The following C3orf85 variants were observed in gnomAD, a reference collection of about 807,000 sequenced individuals.
C3orf85 encodes the protein uncharacterized protein C3orf85.
A neutral mutation model predicts 1.7 loss-of-function variants in C3orf85; 1 was observed. The ratio of observed to expected loss-of-function variants is 0.60; its 90% CI spans 0.21 to 2.86. The LOEUF is 2.86. Among genes scored for constraint, C3orf85 ranks in the 30% most tolerant of loss-of-function variants. The pLI is 0.22. For missense variants in C3orf85, 29 were observed against 21.3 expected, an observed-to-expected ratio of 1.36 and a Z score of -0.72; for synonymous variants, 17 against 8.0, an observed-to-expected ratio of 2.13 and a Z score of -1.90.
In C3orf85 at chr3:109,150,918, G is replaced by A. The variant is rs1373509599; in HGVS notation, c.*1024G>A. Among the ~76,000 whole-genome samples the A allele has an allele frequency of 6.6e-6, 1 of 152,078 alleles. No homozygotes were observed. The highest frequency in any genetic ancestry group is 1.5e-5 in the Non-Finnish European group (1 of 68,018). On this transcript the variant is annotated 3_prime_UTR_variant, in exon 4 of 4. Coordinates refer to ENST00000622536, the MANE Select transcript of C3orf85 (RefSeq NM_001351622.2). Reference sequence around the variant, plus strand: ...AACAATCTTAAGCACTTTTTGAGTGGCAAGTAAATCAGAAAAACCAAATGC... The same window carrying A: ...AACAATCTTAAGCACTTTTTGAGTGACAAGTAAATCAGAAAAACCAAATGC...
chr3:109,149,860 A>G lies in C3orf85; in HGVS notation c.239A>G (p.Asn80Ser), dbSNP rs1706848982. The G allele has an allele frequency of 2.5e-6, 1 of 398,426 alleles. No homozygotes were observed. The highest frequency in any genetic ancestry group is 1.3e-4 in the South Asian group (1 of 7,864). The allele number at this position is 398,426 out of a possible 1,614,324, so 24.7% of individuals were successfully genotyped here. The change falls in exon 4 of 4, where the codon AAT becomes AGT. Residue 80 changes from asparagine (N) to serine (S), a missense_variant. Coordinates refer to ENST00000622536, the MANE Select transcript of C3orf85 (RefSeq NM_001351622.2). ...ACAGCACAGTATTATTTGGATATGA[A>G]TACCTTCACCTTTGACATGTCTACT... The part of the protein sequence containing the change: ...KTTAQYYLDM[N>S]TFTFDMSTAQ
At chr3:109,137,472 T>G (rs1367686562) in intron 2 of C3orf85, among the ~76,000 whole-genome samples, 1 of 151,760 alleles carries the variant, frequency 6.6e-6, no homozygotes, top group East Asian at 1.9e-4. Context: ...ATTATCTTCA[T>G]GGTTAAATCT....
chr3:109,140,125 G>A (rs989285100), intron 2 of C3orf85, among the ~76,000 whole-genome samples: 10 of 151,910 alleles, frequency 6.6e-5, no homozygotes, highest in Admixed American at 2.6e-4. Flanking sequence ...CTACTCACTT[G>A]GGCTTATGAC....
chr3:109,145,651 TACAA>T (rs1706790017), intron 2 of C3orf85, among the ~76,000 whole-genome samples: 1 of 152,224 alleles, frequency 6.6e-6, no homozygotes, highest in South Asian at 2.1e-4. Flanking sequence ...TTTACCATAA[TACAA>T]ACAATTTTTT....
chr3:109,148,666 A>G (rs4855698), intron 3 of C3orf85: 152,829 of 359,286 alleles, frequency 0.43, 37,177 homozygotes, highest in East Asian at 0.9. Context: ...TCTTTCACAA[A>G]TAAATAGCTC....
intron 2 of C3orf85, among the ~76,000 whole-genome samples, chr3:109,144,280 G>A (rs1706772148): frequency 1.3e-5 from 2 of 152,138 alleles, no homozygotes; most frequent in Non-Finnish European, 2.9e-5. Context: ...CTCAAGCAGA[G>A]AGGATAATAG....
intron 2 of C3orf85, among the ~76,000 whole-genome samples, chr3:109,139,702 C>T (rs1347930036): frequency 3.3e-5 from 5 of 152,066 alleles, no homozygotes; most frequent in Admixed American, 6.6e-5. Context: ...CTGGAGTTGA[C>T]CCATACACGA....
chr3:109,145,193 C>T (rs998640313), intron 2 of C3orf85, among the ~76,000 whole-genome samples: 5 of 152,076 alleles, frequency 3.3e-5, no homozygotes, highest in Non-Finnish European at 7.4e-5. Flanking sequence ...TACTATCTGT[C>T]CTTACACCAC....
At chr3:109,145,247 A>C (rs1347006110) in intron 2 of C3orf85, among the ~76,000 whole-genome samples, 1 of 152,186 alleles carries the variant, frequency 6.6e-6, no homozygotes, top group Admixed American at 6.5e-5. Flanking sequence ...TGAATAAATA[A>C]AATGTGGTAT....
intron 2 of C3orf85, 87 bp from the exon 3 acceptor site, chr3:109,148,166 G>A: frequency 1.6e-6 from 1 of 622,388 alleles, no homozygotes; most frequent in African/African-American, 1.8e-5. Context: ...GCCTACCAAA[G>A]ATCACAGCTG....
chr3:109,140,013 T>C (rs994640266), intron 2 of C3orf85, among the ~76,000 whole-genome samples: 1 of 152,212 alleles, frequency 6.6e-6, no homozygotes, highest in Admixed American at 6.5e-5. Flanking sequence ...ATAGGAAGAC[T>C]AGCCCTTTTC....
At position 109,150,012 on chromosome 3, in the gene C3orf85, A is replaced by G; in HGVS notation, c.*118A>G. 1 of 384,868 alleles carries G rather than the reference A, an allele frequency of 2.6e-6. No individual in the cohort carries two copies. Among genetic ancestry groups the G allele is most frequent in the Non-Finnish European group, 4.6e-6 (1 of 217,434 alleles). 23.8% of individuals were successfully genotyped at this position (384,868 alleles called of 1,614,324 possible). On this transcript the variant is annotated 3_prime_UTR_variant, in exon 4 of 4. Coordinates refer to ENST00000622536, the MANE Select transcript of C3orf85 (RefSeq NM_001351622.2). ...ATCCATGCTGTTTACTACATTATTT[A>G]TTATGTCTGTCTCAAAGTTGTTGAA...
chr3:109,136,932 C>T, intron 2 of C3orf85, 36 bp downstream of exon 2: 1 of 404,616 alleles, frequency 2.5e-6, no homozygotes, highest in Non-Finnish European at 4.4e-6. Flanking sequence ...ATCATGTCTC[C>T]TACAGCCATC....
In C3orf85 at chr3:109,150,080, A is replaced by T. The variant is rs974440548; in HGVS notation, c.*186A>T. ...CCCATGTAGGAAACTGGAATAAGAC[A>T]TTCTCAATAAATGGTAGTTCTCAAA... On this transcript the variant is annotated 3_prime_UTR_variant, in exon 4 of 4. Coordinates refer to ENST00000622536, the MANE Select transcript of C3orf85 (RefSeq NM_001351622.2). 1.1e-5 allele frequency: 4 copies of T among 355,648 alleles called. No individual in the cohort carries two copies. Among genetic ancestry groups the T allele is most frequent in the African/African-American group, 6.3e-5 (3 of 47,554 alleles). The allele number at this position is 355,648 out of a possible 1,614,324, so 22.0% of individuals were successfully genotyped here. A position where few individuals can be genotyped will look rare whatever the true frequency, so the allele number is the denominator to read the frequency against.
chr3:109,148,015 A>T (rs889254725), intron 2 of C3orf85, among the ~76,000 whole-genome samples: 8 of 152,198 alleles, frequency 5.3e-5, no homozygotes, highest in African/African-American at 2.4e-5. Flanking sequence ...ATCCTGCTCC[A>T]TCCACCACAT....
At chr3:109,146,290 T>C (rs1706798791) in intron 2 of C3orf85, 1 of 152,202 alleles carries the variant, frequency 6.6e-6, no homozygotes, top group Non-Finnish European at 1.5e-5. Flanking sequence ...ATCCTAGGTG[T>C]CTCACTTGCC....
chr3:109,150,529 C>T lies in C3orf85; in HGVS notation c.*635C>T, dbSNP rs1294812643. 1.3e-5 allele frequency: 2 copies of T among 152,128 alleles called. No individual in the cohort carries two copies. Among genetic ancestry groups the T allele is most frequent in the Non-Finnish European group, 2.9e-5 (2 of 68,018 alleles). The allele number at this position is 152,128 out of a possible 1,614,324, so 9.4% of individuals were successfully genotyped here. A position where few individuals can be genotyped will look rare whatever the true frequency, so the allele number is the denominator to read the frequency against. On this transcript the variant is annotated 3_prime_UTR_variant, in exon 4 of 4. Transcript: ENST00000622536. ...ATTTTTGTAAGCTTTGCATTCTGTT[C>T]CACAATTTATTGATGTTTGTTTTAA...
Position 109,149,909 on chromosome 3 carries a change from T to C in C3orf85, c.*15T>C, listed in dbSNP as rs909787356. ...CTGCCCAGTAAATATGTTTTCCTGGTTAAAGCAGGAGGATGAAGATGGCAG... is the reference window on the plus strand; with the variant it reads ...CTGCCCAGTAAATATGTTTTCCTGGCTAAAGCAGGAGGATGAAGATGGCAG... On this transcript the variant is annotated 3_prime_UTR_variant, in exon 4 of 4. Transcript: ENST00000622536. 2.5e-6 allele frequency: 1 copy of C among 398,204 alleles called. No individual in the cohort carries two copies. The highest frequency in any genetic ancestry group is 4.4e-6 in the Non-Finnish European group (1 of 225,422). The allele number at this position is 398,204 out of a possible 1,614,324, so 24.7% of individuals were successfully genotyped here.
At chr3:109,144,811 G>T (rs1466399783) in intron 2 of C3orf85, among the ~76,000 whole-genome samples, 2 of 151,982 alleles carry the variant, frequency 1.3e-5, no homozygotes, top group Non-Finnish European at 2.9e-5. Context: ...CATTTACTTA[G>T]ACCTATTTAT....
Sources: allele counts gnomAD v4.1 joint callset (sites outside exome capture counted in the v4.1 genomes callset), GRCh38; gene constraint gnomAD v4.1.1; transcripts MANE v1.5; gene names NCBI Gene and HGNC (gene_info 2026-07-23, HGNC 2026-07-21).